Variants in TTC17 observed in about 807,000 individuals in gnomAD.
The protein encoded by TTC17 is tetratricopeptide repeat domain 17.
Under a neutral mutation model 143.8 loss-of-function variants are expected in TTC17, and 58 were observed. The ratio of observed to expected loss-of-function variants is 0.40; its 90% CI spans 0.33 to 0.50. The LOEUF is 0.50. Ranked by LOEUF, TTC17 falls within the 20% of genes least tolerant of loss-of-function variation. TTC17 has a pLI of 0.49. For synonymous variants in TTC17, 501 were observed against 497.8 expected (o/e 1.01, Z -0.09); for missense variants, 1,273 against 1,392.5 (o/e 0.91, Z 1.37).
chr11:43,413,141 C>A (rs141710103), intron 15 of TTC17, among the ~76,000 whole-genome samples: 157 of 152,110 alleles, frequency 1.0e-3, no homozygotes, highest in African/African-American at 3.3e-3. Flanking sequence ...TCAAACATAG[C>A]AATGGAACAT....
chr11:43,477,402 A>G (rs1338239678), intron 21 of TTC17, among the ~76,000 whole-genome samples: 1 of 152,204 alleles, frequency 6.6e-6, no homozygotes, highest in Non-Finnish European at 1.5e-5. Flanking sequence ...TTACTGTATT[A>G]GCTTGTTTTC....
chr11:43,461,436 C>G (rs1159333326), intron 21 of TTC17, among the ~76,000 whole-genome samples: 1 of 125,516 alleles, frequency 8.0e-6, no homozygotes, highest in Non-Finnish European at 1.7e-5. Context: ...ATTGTAACAA[C>G]ATGTTTAAAG....
At position 43,493,655 on chromosome 11, in the gene TTC17, G is replaced by C. The variant is rs1948510237; in HGVS notation, c.3295-118G>C. 5.4e-6 allele frequency: 8 copies of C among 1,481,288 alleles called. No individual in the cohort carries two copies. The Admixed American group carries it at 5.5e-5, about 10-fold the overall frequency. 91.8% of individuals were successfully genotyped at this position (1,481,288 alleles called of 1,614,324 possible). ...TTTTCCACAAAGACTTAGATCCGTT[G>C]AGCAAATGCTGCGGGATTGTCCCTA... On this transcript the variant is annotated intron_variant, in intron 23 of 23. Coordinates refer to ENST00000039989, the MANE Select transcript of TTC17 (RefSeq NM_018259.6).
chr11:43,375,563 A>T (rs1178589287), intron 1 of TTC17, among the ~76,000 whole-genome samples: 1 of 152,160 alleles, frequency 6.6e-6, no homozygotes, highest in African/African-American at 2.4e-5. Context: ...ATAATTTAAG[A>T]TTATATTCAT....
chr11:43,363,176 T>G (rs1468630878), intron 1 of TTC17, among the ~76,000 whole-genome samples: 1 of 152,254 alleles, frequency 6.6e-6, no homozygotes, highest in African/African-American at 2.4e-5. Flanking sequence ...TGGTTGACTT[T>G]TTGAAAAATA....
intron 15 of TTC17, among the ~76,000 whole-genome samples, chr11:43,410,484 T>C (rs568755282): frequency 2.0e-5 from 3 of 152,324 alleles, no homozygotes; most frequent in East Asian, 3.9e-4. Flanking sequence ...TTTTATAGTT[T>C]TAGGCTTTAC....
In TTC17 at chr11:43,367,592, G is replaced by A. The variant is rs912553645; in HGVS notation, c.159+8479G>A. On this transcript the variant is annotated intron_variant, in intron 1 of 23. Coordinates refer to ENST00000039989, the MANE Select transcript of TTC17 (RefSeq NM_018259.6). ...GTGAAGAATAAATAAGAGGGCTCACGAGCTGCTCACGTCAAAAATTAGAAC... is the reference window on the plus strand; with the variant it reads ...GTGAAGAATAAATAAGAGGGCTCACAAGCTGCTCACGTCAAAAATTAGAAC... Among the ~76,000 whole-genome samples, 12 of 152,258 alleles carry A rather than the reference G, an allele frequency of 7.9e-5. 1 individual carries two copies. In the South Asian group the frequency reaches 1.2e-3, roughly 16 times the overall value.
intron 13 of TTC17, among the ~76,000 whole-genome samples, chr11:43,406,410 CATT>C (rs1160679323): frequency 2.0e-5 from 3 of 152,132 alleles, no homozygotes; most frequent in African/African-American, 7.2e-5. Context: ...ACTCTGCAAA[CATT>C]AGAAGTTCAA....
chr11:43,425,997 TGA>T (rs1947018974), intron 16 of TTC17, among the ~76,000 whole-genome samples: 1 of 152,178 alleles, frequency 6.6e-6, no homozygotes, highest in Admixed American at 6.5e-5. Flanking sequence ...AAATATACAG[TGA>T]GATGATTATG....
intron 21 of TTC17, among the ~76,000 whole-genome samples, chr11:43,463,662 C>T (rs1353622026): frequency 2.0e-5 from 3 of 151,698 alleles, no homozygotes; most frequent in African/African-American, 7.3e-5. Context: ...AATGCAATAA[C>T]AATAAAAATG....
intron 1 of TTC17, 127 bp from the exon 2 acceptor site, chr11:43,379,106 G>T: frequency 1.1e-6 from 1 of 875,164 alleles, no homozygotes. Context: ...TACTCCTTGA[G>T]TTTTGCTGAG....
rs1366649956 is a variant in TTC17 at position 43,491,665 on chromosome 11, C to CT, written c.3151-354dup. 7.2e-5 allele frequency: 13 copies of CT among 180,790 alleles called. No individual in the cohort carries two copies. In the East Asian group the frequency reaches 8.6e-4, roughly 12 times the overall value. 11.2% of individuals were successfully genotyped at this position (180,790 alleles called of 1,614,324 possible). On this transcript the variant is annotated intron_variant, in intron 22 of 23. Transcript: ENST00000039989. Reference sequence around the variant, plus strand: ...ATTTTGGCTTTCTGACAGCATGACTCTAAGTGTGGTCTGTGGACAGTACAC... The same window carrying CT: ...ATTTTGGCTTTCTGACAGCATGACTCTTAAGTGTGGTCTGTGGACAGTACAC...
At chr11:43,398,338 T>G (rs1362330106) in intron 8 of TTC17, among the ~76,000 whole-genome samples, 1 of 152,216 alleles carries the variant, frequency 6.6e-6, no homozygotes, top group Non-Finnish European at 1.5e-5. Context: ...AGAGAATATT[T>G]GTAGTAAAAG....
chr11:43,444,241 T>G, intron 18 of TTC17, 32 bp downstream of exon 18: 1 of 1,573,180 alleles, frequency 6.4e-7, no homozygotes, highest in Non-Finnish European at 8.6e-7. Context: ...GCCAGTTTCT[T>G]GTTTTAGATG....
intron 1 of TTC17, among the ~76,000 whole-genome samples, chr11:43,360,707 T>A (rs1286526911): frequency 6.7e-6 from 1 of 149,758 alleles, no homozygotes; most frequent in Non-Finnish European, 1.5e-5. Context: ...AAGTAGAGTC[T>A]GATTTTTTTT....
rs1331953923 is a variant in TTC17, at chr11:43,391,918, A to T, written c.629A>T (p.Asp210Val). The change falls in exon 5 of 24, where the codon GAC (aspartate) becomes GTC (valine). Residue 210 changes from aspartate to valine, a missense_variant. Asp to Val is a radical substitution (Grantham distance 152). This residue lies in a region of TTC17 where 325 missense variants were observed against 444.2 expected (regional missense o/e 0.73). Transcript: ENST00000039989. The stretch of plus-strand genomic sequence containing the variant: ...AAACGGTTAGGAAGGAGTATAGATG[A>T]CATAGGTCACCTCATTCATGAAGGC... ...LSKRLGRSID[D>V]IGHLIHEGLQ... The T allele has an allele frequency of 1.6e-5, 25 of 1,612,220 alleles. No homozygotes were observed. The highest frequency in any genetic ancestry group is 2.0e-5 in the Non-Finnish European group (24 of 1,179,498).
Position 43,391,839 on chromosome 11 carries a change from A to C in TTC17, c.550A>C (p.Asn184His). Residue 184 changes from asparagine to histidine, a missense_variant, in exon 5 of 24, where the codon AAT (asparagine) becomes CAT (histidine). By Grantham distance (68) the Asn-to-His change is moderately conservative. Transcript: ENST00000039989. ...TCTTCAGGGTGTACAGGAGAGAGTTAATCTTTCTGCACCTCTGCTACCTAA... is the reference window on the plus strand; with the variant it reads ...TCTTCAGGGTGTACAGGAGAGAGTTCATCTTTCTGCACCTCTGCTACCTAA... ...QHLRGVQERV[N>H]LSAPLLPKED... The C allele has an allele frequency of 6.2e-7, 1 of 1,613,424 alleles. No individual in the cohort carries two copies. Among genetic ancestry groups the C allele is most frequent in the Non-Finnish European group, 8.5e-7 (1 of 1,179,856 alleles).
At chr11:43,473,205 G>A (rs570824140) in intron 21 of TTC17, among the ~76,000 whole-genome samples, 3 of 151,784 alleles carry the variant, frequency 2.0e-5, no homozygotes, top group Admixed American at 6.6e-5. Flanking sequence ...ATCTTCACCT[G>A]TTTTGGTAAC....
At chr11:43,437,179 T>A (rs1359535085) in intron 16 of TTC17, among the ~76,000 whole-genome samples, 1 of 152,038 alleles carries the variant, frequency 6.6e-6, no homozygotes, top group Non-Finnish European at 1.5e-5. Context: ...AAAATTGAAC[T>A]CTTCTTCATA....
Sources: allele counts gnomAD v4.1 joint callset (sites outside exome capture counted in the v4.1 genomes callset), GRCh38; gene constraint gnomAD v4.1.1; regional missense constraint gnomAD v4.1.1; transcripts MANE v1.5; gene names NCBI Gene and HGNC (gene_info 2026-07-23, HGNC 2026-07-21).